Variants in KCNC4 observed in about 807,000 individuals in gnomAD.
KCNC4 encodes the protein potassium voltage-gated channel subfamily C member 4.
Under a neutral mutation model 42.8 loss-of-function variants are expected in KCNC4, and 23 were observed. The observed-to-expected ratio is 0.54, with a 90% CI of 0.39 to 0.76. The LOEUF is 0.76. Among genes scored for constraint, KCNC4 ranks in the 30% least tolerant of loss-of-function variants. The pLI, the probability that KCNC4 is intolerant of heterozygous loss-of-function variation, is 0.00. For synonymous variants in KCNC4, 422 were observed against 393.5 expected, an observed-to-expected ratio of 1.07 and a Z score of -0.86; for missense variants, 751 against 898.2, an observed-to-expected ratio of 0.84 and a Z score of 2.10.
rs1657432653 is a variant in KCNC4 at position 110,211,357 on chromosome 1, G to A, written c.-143G>A. ...TCCGCGTCCTAGGGGGATAGGCAGG[G>A]GCAAGCCCAAGCCGCAGAGGGGGCC... On this transcript the variant is annotated 5_prime_UTR_variant, in exon 1 of 4. Coordinates refer to ENST00000438661, the MANE Select transcript of KCNC4 (RefSeq NM_001039574.3). This position sits in a 1 kb window ranked among gnomAD's most constrained non-coding sequence, Gnocchi z 6.5. The A allele has an allele frequency of 1.6e-6, 2 of 1,266,146 alleles. No individual in the cohort carries two copies. Among genetic ancestry groups the A allele is most frequent in the Non-Finnish European group, 2.1e-6 (2 of 932,178 alleles). 78.4% of individuals were successfully genotyped at this position (1,266,146 alleles called of 1,614,324 possible).
chr1:110,212,988 CTG>C (rs1657577358), intron 1 of KCNC4, among the ~76,000 whole-genome samples: 2 of 151,950 alleles, frequency 1.3e-5, no homozygotes, highest in South Asian at 4.2e-4. Flanking sequence ...GCAGCACAAA[CTG>C]TCTTTCCAGA....
intron 2 of KCNC4, chr1:110,225,094 G>C (rs1460275594): frequency 6.6e-6 from 1 of 152,210 alleles, no homozygotes. Flanking sequence ...AATTTCCCGG[G>C]GAATTTCAGC....
At chr1:110,274,744 AC>A (rs1659688647) in intron 1 of KCNC4, among the ~76,000 whole-genome samples, 1 of 152,238 alleles carries the variant, frequency 6.6e-6, no homozygotes, top group Non-Finnish European at 1.5e-5. Context: ...GAAAATGTCA[AC>A]AAAAATATAC....
chr1:110,213,770 A>T (rs760471976), intron 1 of KCNC4, among the ~76,000 whole-genome samples: 2 of 152,180 alleles, frequency 1.3e-5, no homozygotes, highest in Non-Finnish European at 2.9e-5. Context: ...CATGTAGGTC[A>T]CTAACCTTGC....
At chr1:110,221,251 A>G (rs185289688) in intron 1 of KCNC4, 1 of 152,368 alleles carries the variant, frequency 6.6e-6, no homozygotes, top group Admixed American at 6.5e-5. Flanking sequence ...GAAGTTAAAC[A>G]GTTCTGAGTT....
chr1:110,276,394 C>T (rs577994047), intron 1 of KCNC4, among the ~76,000 whole-genome samples: 2 of 149,996 alleles, frequency 1.3e-5, no homozygotes, highest in South Asian at 4.2e-4. Context: ...TCATGGTGTT[C>T]AGGCAAACAG....
chr1:110,261,590 A>G (rs951479370), intron 1 of KCNC4, among the ~76,000 whole-genome samples: 4 of 152,076 alleles, frequency 2.6e-5, no homozygotes, highest in African/African-American at 9.7e-5. Flanking sequence ...AACGCTTTAT[A>G]GAAAAAGTAT....
chr1:110,226,071 G>A lies in KCNC4; in HGVS notation c.1712G>A (p.Arg571His), dbSNP rs898810500. 10 of 1,613,882 alleles carry A rather than the reference G, an allele frequency of 6.2e-6. No individual in the cohort carries two copies. Among genetic ancestry groups the A allele is most frequent in the Non-Finnish European group, 8.5e-6 (10 of 1,179,960 alleles). ...PLASSPTPEE[R>H]RALRRSTTRD... Reference sequence around the variant, plus strand: ...GCCTCCTCCCCGACCCCCGAGGAGCGCCGGGCCCTGCGACGCTCCACCACT... The same window carrying A: ...GCCTCCTCCCCGACCCCCGAGGAGCACCGGGCCCTGCGACGCTCCACCACT... The change falls in exon 3 of 4, where the codon CGC becomes CAC. Residue 571 changes from arginine (R) to histidine (H), a missense_variant. Physicochemically the swap from Arg to His is conservative, Grantham distance 29. Transcript: ENST00000438661.
intron 1 of KCNC4, among the ~76,000 whole-genome samples, chr1:110,214,881 G>A (rs1228338441): frequency 1.3e-5 from 2 of 152,168 alleles, no homozygotes; most frequent in African/African-American, 4.8e-5. Flanking sequence ...CAGGCCTGAG[G>A]GTACTATGCC....
exon 4 of KCNC4, chr1:110,247,556 T>TTTTTC (rs201011573): frequency 0.39 from 38,316 of 97,760 alleles, 6,082 homozygotes; most frequent in African/African-American, 0.47. Flanking sequence ...TTCTTTTTTC[T>TTTTTC]TTTTTTTTTT....
chr1:110,254,099 GGC>G (rs201645055), downstream of KCNC4, among the ~76,000 whole-genome samples: 29,524 of 134,102 alleles, frequency 0.22, 4,746 homozygotes, highest in Non-Finnish European at 0.31. Context: ...TCGGGGGGGG[GGC>G]GGCGTTTCTG....
intron 1 of KCNC4, among the ~76,000 whole-genome samples, chr1:110,270,678 C>G (rs1052508571): frequency 6.6e-6 from 1 of 152,178 alleles, no homozygotes; most frequent in Non-Finnish European, 1.5e-5. Flanking sequence ...TAAATAGAAG[C>G]AGTATGTGCA....
At chr1:110,264,615 T>G (rs1659507010) in intron 1 of KCNC4, among the ~76,000 whole-genome samples, 1 of 152,202 alleles carries the variant, frequency 6.6e-6, no homozygotes, top group Admixed American at 6.5e-5. Context: ...TGACTTTAAC[T>G]TCCTTGGCTA....
exon 4 of KCNC4, chr1:110,245,419 C>T (rs1659124557): frequency 6.6e-6 from 1 of 152,240 alleles, no homozygotes; most frequent in Non-Finnish European, 1.5e-5. Flanking sequence ...TCTGCTCTCC[C>T]TGTCGTCAGA....
intron 1 of KCNC4, among the ~76,000 whole-genome samples, chr1:110,216,793 A>G (rs1657817621): frequency 1.3e-5 from 2 of 152,006 alleles, no homozygotes; most frequent in Admixed American, 6.5e-5. Context: ...CCCTGCTGGA[A>G]TTTTCTTCAG....
At chr1:110,280,501 G>A (rs1659803236) in intron 1 of KCNC4, among the ~76,000 whole-genome samples, 1 of 151,992 alleles carries the variant, frequency 6.6e-6, no homozygotes, top group Non-Finnish European at 1.5e-5. Context: ...CAGGTCCTCA[G>A]TCTACAACTC....
At chr1:110,234,455 G>A (rs1658853217), downstream of KCNC4, 1 of 152,282 alleles carries the variant, frequency 6.6e-6, no homozygotes, top group Non-Finnish European at 1.5e-5. Context: ...CTGGATGGCT[G>A]ATGAACTGAG....
chr1:110,267,785 A>T (rs559978289), intron 1 of KCNC4, among the ~76,000 whole-genome samples: 1 of 152,278 alleles, frequency 6.6e-6, no homozygotes, highest in South Asian at 2.1e-4. Context: ...CTCACAGGCT[A>T]AATTGGTTTT....
chr1:110,233,032 T>C lies in KCNC4; in HGVS notation c.*60T>C, dbSNP rs1421430972. On this transcript the variant is annotated 3_prime_UTR_variant, in exon 4 of 4. Coordinates refer to ENST00000438661, the MANE Select transcript of KCNC4 (RefSeq NM_001039574.3). ...CAGAAAGCCAGAGGCTTAGGGAAACTCTGGAACCCAGACAAGAATCTTTTC... is the reference window on the plus strand; with the variant it reads ...CAGAAAGCCAGAGGCTTAGGGAAACCCTGGAACCCAGACAAGAATCTTTTC... 5.1e-5 allele frequency: 80 copies of C among 1,563,344 alleles called. No individual in the cohort carries two copies. Among genetic ancestry groups the C allele is most frequent in the Non-Finnish European group, 7.0e-6 (8 of 1,149,944 alleles).
Sources: allele counts gnomAD v4.1 joint callset (sites outside exome capture counted in the v4.1 genomes callset), GRCh38; gene constraint gnomAD v4.1.1; non-coding constraint Gnocchi (gnomAD v3.1); transcripts MANE v1.5; gene names NCBI Gene and HGNC (gene_info 2026-07-23, HGNC 2026-07-21).